The following ROBO1 variants were observed in gnomAD, a reference collection of about 807,000 sequenced individuals.
ROBO1 encodes roundabout guidance receptor 1, also known as roundabout homolog 1.
ROBO1 carries 149 observed loss-of-function variants against 195.9 expected under a neutral mutation model. The ratio of observed to expected loss-of-function variants is 0.76; its 90% CI spans 0.67 to 0.87. The LOEUF is 0.87. Ranked by LOEUF, ROBO1 falls within the 40% of genes least tolerant of loss-of-function variation. The pLI is 0.00. For synonymous variants in ROBO1, 816 were observed against 733.2 expected (o/e 1.11, Z -1.82); for missense variants, 1,933 against 2,068.3 (o/e 0.93, Z 1.27).
intron 2 of ROBO1, among the ~76,000 whole-genome samples, chr3:79,501,000 C>A (rs1940042297): frequency 6.6e-6 from 1 of 152,106 alleles, no homozygotes; most frequent in Non-Finnish European, 1.5e-5. Context: ...ATGAGCCTTC[C>A]ACACCCCTCA....
intron 2 of ROBO1, among the ~76,000 whole-genome samples, chr3:79,565,012 AT>A (rs1220033919): frequency 6.6e-6 from 1 of 152,134 alleles, no homozygotes; most frequent in African/African-American, 2.4e-5. Flanking sequence ...TTCAATTCAA[AT>A]TGCTAAAAAC....
At chr3:79,496,945 GCT>G (rs1939781236) in intron 2 of ROBO1, among the ~76,000 whole-genome samples, 1 of 152,038 alleles carries the variant, frequency 6.6e-6, no homozygotes. Context: ...ATGTTGCTTT[GCT>G]CTCTTAAGAA....
At chr3:79,295,996 A>T (rs1396439874) in intron 2 of ROBO1, among the ~76,000 whole-genome samples, 2 of 152,190 alleles carry the variant, frequency 1.3e-5, no homozygotes, top group African/African-American at 4.8e-5. Context: ...ACATATAAAT[A>T]TATAGAAATA....
chr3:79,076,865 T>G (rs760055215), intron 3 of ROBO1, among the ~76,000 whole-genome samples: 2 of 151,914 alleles, frequency 1.3e-5, no homozygotes, highest in Non-Finnish European at 2.9e-5. Context: ...GTATAGAGTG[T>G]TTGTTAGAAT....
chr3:78,752,169 A>G (rs950160999), intron 4 of ROBO1, among the ~76,000 whole-genome samples: 1 of 141,280 alleles, frequency 7.1e-6, no homozygotes, highest in African/African-American at 2.7e-5. Context: ...TCACATACAT[A>G]GTCATAGTAC....
intron 2 of ROBO1, among the ~76,000 whole-genome samples, chr3:79,168,958 T>C (rs2081120353): frequency 6.6e-6 from 1 of 152,158 alleles, no homozygotes; most frequent in South Asian, 2.1e-4. Flanking sequence ...TTAAGATGAA[T>C]TATTTGAGCA....
intron 4 of ROBO1, among the ~76,000 whole-genome samples, chr3:78,930,589 T>C (rs1216343803): frequency 6.6e-6 from 1 of 152,198 alleles, no homozygotes; most frequent in East Asian, 1.9e-4. Flanking sequence ...AAACTTCCAA[T>C]TCCATTTGCA....
intron 2 of ROBO1, among the ~76,000 whole-genome samples, chr3:79,584,285 CAT>C (rs200544976): frequency 1.4e-5 from 2 of 144,640 alleles, no homozygotes; most frequent in Non-Finnish European, 1.5e-5. Flanking sequence ...TATATTACTA[CAT>C]ATATATATAT....
chr3:79,438,897 T>A (rs1023392062), intron 2 of ROBO1, among the ~76,000 whole-genome samples: 20 of 152,042 alleles, frequency 1.3e-4, no homozygotes, highest in Admixed American at 1.2e-3. Flanking sequence ...CAAATACCAC[T>A]GATACTAGCA....
At chr3:78,621,528 C>T (rs1704456954) in intron 26 of ROBO1, among the ~76,000 whole-genome samples, 1 of 152,084 alleles carries the variant, frequency 6.6e-6, no homozygotes, top group South Asian at 2.1e-4. Context: ...TGAAGAAAGA[C>T]AGAAAAATTT....
intron 1 of ROBO1, among the ~76,000 whole-genome samples, chr3:79,666,871 G>A (rs1157722613): frequency 6.6e-6 from 1 of 151,726 alleles, no homozygotes; most frequent in Non-Finnish European, 1.5e-5. Context: ...TACTTATATT[G>A]ACTTGGTGAA....
At chr3:78,645,492 G>A (rs1390386424) in intron 21 of ROBO1, among the ~76,000 whole-genome samples, 1 of 150,798 alleles carries the variant, frequency 6.6e-6, no homozygotes, top group African/African-American at 2.4e-5. Flanking sequence ...CTGAAGCTTG[G>A]CTCATCACAT....
At chr3:79,018,659 A>C in intron 3 of ROBO1, 2 of 1,403,058 alleles carry the variant, frequency 1.4e-6, no homozygotes, top group Non-Finnish European at 1.9e-6. Context: ...TTGCAGAGGA[A>C]GAATTCCAAG....
intron 3 of ROBO1, among the ~76,000 whole-genome samples, chr3:79,122,775 T>A (rs1039344062): frequency 2.6e-5 from 4 of 151,956 alleles, no homozygotes; most frequent in Non-Finnish European, 5.9e-5. Context: ...TAAATGGGAA[T>A]TTTAGTGAAA....
intron 2 of ROBO1, among the ~76,000 whole-genome samples, chr3:79,329,309 A>C (rs922362233): frequency 3.9e-5 from 6 of 152,232 alleles, no homozygotes; most frequent in African/African-American, 1.4e-4. Context: ...ACATTTCTCA[A>C]GTTACTAGGT....
intron 5 of ROBO1, among the ~76,000 whole-genome samples, chr3:78,740,521 G>A (rs1034147991): frequency 1.3e-5 from 2 of 149,532 alleles, no homozygotes; most frequent in Non-Finnish European, 3.0e-5. Context: ...GCCCAGGCTG[G>A]AGTGCAATGG....
At chr3:79,115,602 C>A (rs528268727) in intron 3 of ROBO1, among the ~76,000 whole-genome samples, 1 of 152,262 alleles carries the variant, frequency 6.6e-6, no homozygotes, top group Non-Finnish European at 1.5e-5. Flanking sequence ...ACCACCAATA[C>A]TGCCTATAGC....
intron 20 of ROBO1, 96 bp downstream of exon 20, chr3:78,647,533 A>C: frequency 8.4e-7 from 1 of 1,194,878 alleles, no homozygotes; most frequent in Non-Finnish European, 1.2e-6. Flanking sequence ...TCTTTCCCCC[A>C]ACTTACTGCA....
At chr3:79,444,542 T>G (rs1181554156) in intron 2 of ROBO1, among the ~76,000 whole-genome samples, 1 of 152,102 alleles carries the variant, frequency 6.6e-6, no homozygotes, top group East Asian at 1.9e-4. Context: ...TTAGAAAACA[T>G]TTTTTCATTG....
Sources: allele counts gnomAD v4.1 joint callset (sites outside exome capture counted in the v4.1 genomes callset), GRCh38; gene constraint gnomAD v4.1.1; transcripts MANE v1.5; gene names NCBI Gene and HGNC (gene_info 2026-07-23, HGNC 2026-07-21).